The following PPP1R1C variants were observed in gnomAD, a reference collection of about 807,000 sequenced individuals.
PPP1R1C encodes protein phosphatase 1 regulatory inhibitor subunit 1C, also known as protein phosphatase 1 regulatory subunit 1C.
In PPP1R1C, 15 loss-of-function variants were observed where a neutral mutation model predicts 17.4. That is an observed-to-expected ratio of 0.86 (90% CI 0.58 to 1.33). The LOEUF (loss-of-function observed/expected upper bound fraction) is 1.33, where lower values mean the gene tolerates loss of function less well. Among genes scored for constraint, PPP1R1C ranks in the 40% most tolerant of loss-of-function variants. The pLI, the probability that PPP1R1C is intolerant of heterozygous loss-of-function variation, is 0.00. For synonymous variants in PPP1R1C, 35 were observed against 43.1 expected (o/e 0.81, Z 0.73); for missense variants, 143 against 130.0 (o/e 1.10, Z -0.48).
intron 1 of PPP1R1C, among the ~76,000 whole-genome samples, chr2:181,972,346 C>T (rs915640245): frequency 5.3e-5 from 8 of 152,018 alleles, no homozygotes; most frequent in East Asian, 3.9e-4. Context: ...CGAAAAATGG[C>T]GAACAAATAG....
downstream of PPP1R1C, among the ~76,000 whole-genome samples, chr2:182,118,551 A>G (rs1229089988): frequency 6.6e-6 from 1 of 152,148 alleles, no homozygotes; most frequent in Non-Finnish European, 1.5e-5. Flanking sequence ...CAAATGTGTA[A>G]TCCACTGTGG....
At chr2:181,991,469 G>A (rs574741494) in intron 2 of PPP1R1C, among the ~76,000 whole-genome samples, 3 of 152,254 alleles carry the variant, frequency 2.0e-5, no homozygotes, top group African/African-American at 4.8e-5. Flanking sequence ...AATAGTGGGA[G>A]ATGAAACTAA....
intron 2 of PPP1R1C, among the ~76,000 whole-genome samples, chr2:182,061,206 G>T (rs1378772966): frequency 6.6e-6 from 1 of 152,046 alleles, no homozygotes; most frequent in Non-Finnish European, 1.5e-5. Context: ...TGAAAGGTGA[G>T]AAATCTGGGA....
At position 182,085,781 on chromosome 2, in the gene PPP1R1C, G is replaced by A. The variant is rs528760793; in HGVS notation, c.241+21990G>A. 6.6e-5 allele frequency among the ~76,000 whole-genome samples: 10 copies of A among 152,218 alleles called. No homozygotes were observed. The South Asian group carries it at 1.0e-3, about 16-fold the overall frequency. ...AAGAAATGACACTGCAACATGCCAC[G>A]GGGGAAACTTGTAAAATGGGGCGGG... On this transcript the variant is annotated intron_variant, in intron 4 of 4. Transcript: ENST00000682840.
At chr2:182,033,160 T>G (rs554834752) in intron 2 of PPP1R1C, among the ~76,000 whole-genome samples, 2 of 152,172 alleles carry the variant, frequency 1.3e-5, no homozygotes, top group African/African-American at 4.8e-5. Flanking sequence ...ATTCTTTTCT[T>G]CCCTGATTTT....
At chr2:182,100,231 G>C (rs1689056797) in intron 4 of PPP1R1C, among the ~76,000 whole-genome samples, 1 of 152,256 alleles carries the variant, frequency 6.6e-6, no homozygotes, top group African/African-American at 2.4e-5. Flanking sequence ...ACAGAGAGAG[G>C]CTGGGCGTAG....
intron 4 of PPP1R1C, among the ~76,000 whole-genome samples, chr2:182,091,455 C>T (rs1456582997): frequency 6.7e-6 from 1 of 149,246 alleles, no homozygotes; most frequent in Non-Finnish European, 1.5e-5. Flanking sequence ...GAGCCAGCTG[C>T]AAAGACAGCT....
Position 181,962,141 on chromosome 2 carries a change from C to T in PPP1R1C, n.111+7507C>T, listed in dbSNP as rs759383681. 8 of 733,296 alleles carry T rather than the reference C, an allele frequency of 1.1e-5. No individual in the cohort carries two copies. Among genetic ancestry groups the T allele is most frequent in the Non-Finnish European group, 1.8e-5 (7 of 399,796 alleles). The allele number at this position is 733,296 out of a possible 1,614,324, so 45.4% of individuals were successfully genotyped here. A position where few individuals can be genotyped will look rare whatever the true frequency, so the allele number is the denominator to read the frequency against. ...GAGTCCCTTCTTCTCCAGGTGCTCC[C>T]GGATTTTGCTCTCCAGCTTCCGGTT... On this transcript the variant is annotated intron_variant and non_coding_transcript_variant, in intron 1 of 5. Transcript: ENST00000464264. This position sits in a 1 kb window ranked among gnomAD's most constrained non-coding sequence, Gnocchi z 6.0.
intron 2 of PPP1R1C, among the ~76,000 whole-genome samples, chr2:182,024,068 T>C (rs1355456804): frequency 6.6e-6 from 1 of 152,212 alleles, no homozygotes; most frequent in Non-Finnish European, 1.5e-5. Context: ...ACCCAACATA[T>C]ATTTAAACCA....
At chr2:182,063,461 A>G (rs150354659) in intron 3 of PPP1R1C, among the ~76,000 whole-genome samples, 1 of 152,192 alleles carries the variant, frequency 6.6e-6, no homozygotes, top group African/African-American at 2.4e-5. Flanking sequence ...AAATAAATTA[A>G]TGTTATTAGG....
At chr2:182,129,394 T>TA (rs2125244574) in exon 6 of PPP1R1C, 1 of 152,248 alleles carries the variant, frequency 6.6e-6, no homozygotes, top group East Asian at 1.9e-4. Flanking sequence ...CCACTGTGTT[T>TA]ATTTATTGCC....
At chr2:182,032,467 C>T (rs1301280294) in intron 2 of PPP1R1C, among the ~76,000 whole-genome samples, 2 of 152,102 alleles carry the variant, frequency 1.3e-5, no homozygotes, top group Non-Finnish European at 2.9e-5. Flanking sequence ...GTCTCCATTA[C>T]TAAGGGGAAA....
chr2:181,976,630 A>G lies in PPP1R1C; in HGVS notation n.157+1366A>G, dbSNP rs1685096314. Among the ~76,000 whole-genome samples the G allele has an allele frequency of 1.3e-5, 2 of 152,022 alleles. No homozygotes were observed. The highest frequency in any genetic ancestry group is 6.6e-5 in the Admixed American group (1 of 15,256). ...TATCTATATCTATATCTATATCTGT[A>G]TCTATCTATTCCTCACTCCTCTCTG... On this transcript the variant is annotated intron_variant and non_coding_transcript_variant, in intron 2 of 5. Transcript: ENST00000464264. The surrounding 1 kb of genome is among the most constrained non-coding windows in gnomAD (Gnocchi z 4.8).
At position 182,127,942 on chromosome 2, in the gene PPP1R1C, T is replaced by TA. The variant is rs1313507332; in HGVS notation, c.*7-1027dup. ...ACATTCTGTAGACATTTTTGCCAATTAAAAATGCATATATTAGGTAATACG... is the reference window on the plus strand; with the variant it reads ...ACATTCTGTAGACATTTTTGCCAATTAAAAAATGCATATATTAGGTAATACG... On this transcript the variant is annotated intron_variant, in intron 5 of 5. Transcript: ENST00000280295. 8.5e-5 allele frequency among the ~76,000 whole-genome samples: 13 copies of TA among 152,190 alleles called. No individual in the cohort carries two copies. The East Asian group carries it at 1.2e-3, about 14-fold the overall frequency.
At chr2:181,989,527 G>A (rs1315184132) in intron 2 of PPP1R1C, among the ~76,000 whole-genome samples, 1 of 152,144 alleles carries the variant, frequency 6.6e-6, no homozygotes, top group African/African-American at 2.4e-5. Context: ...AATGTGACTA[G>A]TCATTCAGGC....
chr2:181,999,468 G>A (rs1242138587), intron 2 of PPP1R1C, among the ~76,000 whole-genome samples: 1 of 152,126 alleles, frequency 6.6e-6, no homozygotes, highest in African/African-American at 2.4e-5. Flanking sequence ...TATAGATTGT[G>A]TAACCAAGGT....
intron 4 of PPP1R1C, among the ~76,000 whole-genome samples, chr2:182,064,925 T>C (rs1173209289): frequency 6.6e-6 from 1 of 152,146 alleles, no homozygotes; most frequent in African/African-American, 2.4e-5. Context: ...TTTAATGATT[T>C]CCTCTGCTCT....
intron 2 of PPP1R1C, among the ~76,000 whole-genome samples, chr2:182,011,429 A>G (rs536854618): frequency 2.0e-5 from 3 of 152,008 alleles, no homozygotes; most frequent in South Asian, 4.1e-4. Flanking sequence ...GTCTCTAATG[A>G]TCCTTTGAAT....
chr2:181,965,454 C>T (rs1684889548), intron 1 of PPP1R1C, among the ~76,000 whole-genome samples: 1 of 152,050 alleles, frequency 6.6e-6, no homozygotes, highest in African/African-American at 2.4e-5. Flanking sequence ...GTCTTTAATC[C>T]ATTTTGATTT....
Sources: gnomAD v4.1 joint callset for allele counts (sites outside exome capture counted in the v4.1 genomes callset) on GRCh38, gnomAD v4.1.1 for gene constraint, Gnocchi (gnomAD v3.1) non-coding constraint, MANE v1.5 for transcripts, NCBI Gene and HGNC (gene_info 2026-07-23, HGNC 2026-07-21) for gene names.